Variants in PCDH15 observed in about 807,000 individuals in gnomAD.
PCDH15 encodes the protein protocadherin-15.
In PCDH15, 129 loss-of-function variants were observed where a neutral mutation model predicts 178.5. The observed-to-expected ratio is 0.72, with a 90% CI of 0.63 to 0.84. The LOEUF is 0.84. Among genes scored for constraint, PCDH15 ranks in the 40% least tolerant of loss-of-function variants. PCDH15 has a pLI of 0.00. For synonymous variants in PCDH15, 800 were observed against 732.0 expected, an observed-to-expected ratio of 1.09 and a Z score of -1.50; for missense variants, 2,230 against 2,099.9, an observed-to-expected ratio of 1.06 and a Z score of -1.21.
At chr10:55,489,592 C>T (rs950059637) in intron 2 of PCDH15, among the ~76,000 whole-genome samples, 2 of 151,664 alleles carry the variant, frequency 1.3e-5, no homozygotes, top group South Asian at 2.1e-4. Flanking sequence ...GTAAGAAGTA[C>T]TTCCATTTGT....
At chr10:53,840,263 T>C in intron 29 of PCDH15, 57 bp downstream of exon 29, 1 of 1,554,896 alleles carries the variant, frequency 6.4e-7, no homozygotes, top group South Asian at 1.1e-5. Flanking sequence ...CAAGTCAGAA[T>C]CATCTATGGT....
chr10:53,894,198 A>G (rs1255288582), intron 26 of PCDH15, among the ~76,000 whole-genome samples: 2 of 152,206 alleles, frequency 1.3e-5, no homozygotes, highest in Non-Finnish European at 1.5e-5. Flanking sequence ...CACACAGATA[A>G]ACGATAACAG....
At chr10:55,073,860 C>T (rs767213164) in intron 2 of PCDH15, among the ~76,000 whole-genome samples, 2 of 151,336 alleles carry the variant, frequency 1.3e-5, no homozygotes, top group Non-Finnish European at 2.9e-5. Flanking sequence ...TGCTCTTGCT[C>T]CCCCCCATCT....
chr10:54,333,414 TAATC>T (rs1297001592), intron 6 of PCDH15, among the ~76,000 whole-genome samples: 3 of 152,090 alleles, frequency 2.0e-5, no homozygotes, highest in African/African-American at 7.2e-5. Flanking sequence ...TGTAGAATAA[TAATC>T]AAGAAAATTA....
At chr10:54,824,364 A>T (rs774026018) in intron 3 of PCDH15, among the ~76,000 whole-genome samples, 7 of 152,188 alleles carry the variant, frequency 4.6e-5, no homozygotes, top group African/African-American at 7.2e-5. Context: ...CTCATCAGAG[A>T]AGAAAAAAGA....
At chr10:54,015,779 AC>A (rs2092721616) in intron 20 of PCDH15, among the ~76,000 whole-genome samples, 1 of 152,188 alleles carries the variant, frequency 6.6e-6, no homozygotes, top group Admixed American at 6.5e-5. Context: ...TCAATGTCAA[AC>A]CTAAAACTAT....
intron 1 of PCDH15, among the ~76,000 whole-genome samples, chr10:54,784,583 G>C (rs953035624): frequency 1.3e-5 from 2 of 152,036 alleles, no homozygotes; most frequent in Admixed American, 1.3e-4. Context: ...ATCACCACTA[G>C]ATTGGCCTGA....
chr10:55,509,366 C>T (rs562453796), intron 2 of PCDH15, among the ~76,000 whole-genome samples: 4 of 151,684 alleles, frequency 2.6e-5, no homozygotes, highest in African/African-American at 7.2e-5. Flanking sequence ...AACCTAAAAA[C>T]GAAATCGAAA....
rs781522540 is a variant in PCDH15, at chr10:53,840,340, G to C, written c.3963C>G (p.Ile1321Met). Residue 1321 changes from isoleucine (I) to methionine (M), a missense_variant, in exon 29 of 38, where the codon ATC becomes ATG. By Grantham distance (10) the Ile-to-Met change is conservative (BLOSUM62 1). Transcript: ENST00000644397. ...YAIDPQTNRA[I>M]DRNELFKFLD... ...CTTACTTAAAAAGCTCATTTCTATC[G>C]ATGGCTCTGTTGGTTTGGGGGTCAA... 6.2e-7 allele frequency: 1 copy of C among 1,614,104 alleles called. No individual in the cohort carries two copies. The highest frequency in any genetic ancestry group is 8.5e-7 in the Non-Finnish European group (1 of 1,179,992).
At position 54,999,906 on chromosome 10, in the gene PCDH15, T is replaced by G. The variant is rs187917692; in HGVS notation, c.-79-102406A>C. On this transcript the variant is annotated intron_variant, in intron 2 of 5. Transcript: ENST00000458638. ...CCCTGAGCTGTAAAACCAGCAAGTT[T>G]TTATTAGTGATTTCAAAAGGAAAGG... 2.4e-4 allele frequency among the ~76,000 whole-genome samples: 37 copies of G among 152,240 alleles called. No individual in the cohort carries two copies. The East Asian group carries it at 6.6e-3, about 27-fold the overall frequency.
chr10:54,853,420 CA>C (rs1953677588), intron 3 of PCDH15, among the ~76,000 whole-genome samples: 1 of 142,196 alleles, frequency 7.0e-6, no homozygotes, highest in Non-Finnish European at 1.5e-5. Context: ...TATACACATA[CA>C]TATATATATA....
At chr10:54,170,419 A>T (rs1258199415) in intron 13 of PCDH15, among the ~76,000 whole-genome samples, 109 of 151,218 alleles carry the variant, frequency 7.2e-4, no homozygotes, top group African/African-American at 2.3e-3. Context: ...CTGCCACTGC[A>T]TTAATACTTT....
chr10:53,873,308 T>G (rs1215718066), intron 26 of PCDH15, among the ~76,000 whole-genome samples: 1 of 152,242 alleles, frequency 6.6e-6, no homozygotes, highest in African/African-American at 2.4e-5. Flanking sequence ...AGTCTGGTGT[T>G]CTTTAAATTA....
intron 2 of PCDH15, among the ~76,000 whole-genome samples, chr10:55,532,737 G>A (rs901614339): frequency 6.6e-6 from 1 of 152,022 alleles, no homozygotes; most frequent in African/African-American, 2.4e-5. Context: ...GGGAACAGGT[G>A]TTTGGCTGGA....
chr10:54,089,850 C>CCATTAG lies in PCDH15; in HGVS notation c.1997+128_1997+133dup, dbSNP rs1183116611. The CCATTAG allele has an allele frequency of 7.1e-6, 5 of 700,980 alleles. No individual in the cohort carries two copies. The African/African-American group carries it at 8.9e-5, about 13-fold the overall frequency. 43.4% of individuals were successfully genotyped at this position (700,980 alleles called of 1,614,324 possible). Reference sequence around the variant, plus strand: ...GGGCTCAGAATTATCCTCCCAGCTACCATTAGCATTCATAGAAAACAGAAA... The same window carrying CCATTAG: ...GGGCTCAGAATTATCCTCCCAGCTACCATTAGCATTAGCATTCATAGAAAACAGAAA... On this transcript the variant is annotated intron_variant, in intron 16 of 37. Coordinates refer to ENST00000644397, the MANE Select transcript of PCDH15 (RefSeq NM_001384140.1).
In PCDH15 at chr10:54,828,467, G is replaced by T. The variant is rs1044261179; in HGVS notation, c.-29+68983C>A. 4.1e-5 allele frequency among the ~76,000 whole-genome samples: 6 copies of T among 146,458 alleles called. No individual in the cohort carries two copies. The Admixed American group carries it at 4.3e-4, about 10-fold the overall frequency. ...ACTTCCCTAAATCCTGCTCATTGAT[G>T]TTGTACAAGATATATGTATGTGTAT... On this transcript the variant is annotated intron_variant, in intron 3 of 5. Transcript: ENST00000458638.
chr10:54,042,343 T>C (rs186464761), intron 18 of PCDH15, among the ~76,000 whole-genome samples: 43 of 152,106 alleles, frequency 2.8e-4, no homozygotes, highest in Admixed American at 1.2e-3. Context: ...ACAACCTAAA[T>C]AGGAATATGC....
At position 54,066,841 on chromosome 10, in the gene PCDH15, G is replaced by A; in HGVS notation, c.2136C>T (p.Asp712=). Residue 712 remains aspartate (D), a synonymous_variant, in exon 18 of 38, where the codon GAC becomes GAT. Transcript: ENST00000644397. ...TVNIVVTDVN[D]NAPVFDPYLP... ...GATAAGGATCAAACACTGGAGCATT[G>A]TCATTGACATCTGTCACCACTATGT... 1 of 1,613,356 alleles carries A rather than the reference G, an allele frequency of 6.2e-7. No homozygotes were observed. The highest frequency in any genetic ancestry group is 1.1e-5 in the South Asian group (1 of 91,058).
chr10:53,943,978 A>T (rs961639945), intron 23 of PCDH15, among the ~76,000 whole-genome samples: 1 of 152,178 alleles, frequency 6.6e-6, no homozygotes, highest in Admixed American at 6.5e-5. Flanking sequence ...GGCAAATTGC[A>T]TACTCTCTTT....
Sources: gnomAD v4.1 joint callset for allele counts (sites outside exome capture counted in the v4.1 genomes callset) on GRCh38, gnomAD v4.1.1 for gene constraint, MANE v1.5 for transcripts, NCBI Gene and HGNC (gene_info 2026-07-23, HGNC 2026-07-21) for gene names.